Variants in ATP1A4 observed in about 807,000 individuals in gnomAD.
The protein encoded by ATP1A4 is sodium/potassium-transporting ATPase subunit alpha-4.
In ATP1A4, 90 loss-of-function variants were observed where a neutral mutation model predicts 114.3. That is an observed-to-expected ratio of 0.79 (90% CI 0.66 to 0.94). The LOEUF is 0.94. ATP1A4 is among the 40% of genes least tolerant of loss of function. The probability of loss-of-function intolerance (pLI) is 0.00; values close to 1 mark genes in which losing one functional copy is unlikely to be tolerated. For missense variants in ATP1A4, 1,222 were observed against 1,313.6 expected (o/e 0.93, Z 1.08); for synonymous variants, 511 against 494.1 (o/e 1.03, Z -0.45).
chr1:160,185,129 CGAA>C (rs1653833407), intron 20 of ATP1A4, among the ~76,000 whole-genome samples: 1 of 147,006 alleles, frequency 6.8e-6, no homozygotes, highest in Non-Finnish European at 1.5e-5. Flanking sequence ...TTTTTCCCGA[CGAA>C]GTCTTGGTCT....
Position 160,186,885 on chromosome 1 carries a change from C to T in ATP1A4, c.*186C>T. On this transcript the variant is annotated 3_prime_UTR_variant, in exon 22 of 22. Transcript: ENST00000368081. ...GGATGAGGTGGGCTGAAGGGAAGCC[C>T]AGCCTGCATCTAGCTGGAGCCCCGC... The T allele has an allele frequency of 1.5e-6, 1 of 686,218 alleles. No homozygotes were observed. The highest frequency in any genetic ancestry group is 2.5e-6 in the Non-Finnish European group (1 of 393,428). The allele number at this position is 686,218 out of a possible 1,614,324, so 42.5% of individuals were successfully genotyped here. A position where few individuals can be genotyped will look rare whatever the true frequency, so the allele number is the denominator to read the frequency against.
At chr1:160,153,561 A>G (rs767557287) in intron 2 of ATP1A4, among the ~76,000 whole-genome samples, 2 of 152,232 alleles carry the variant, frequency 1.3e-5, no homozygotes, top group African/African-American at 2.4e-5. Flanking sequence ...TATTTACCAT[A>G]TTAGAAATTA....
Position 160,177,669 on chromosome 1 carries a change from G to A in ATP1A4, c.2736+5G>A, listed in dbSNP as rs1653527913. On this transcript the variant is annotated splice_donor_5th_base_variant and intron_variant, in intron 18 of 21. Transcript: ENST00000368081. ...GACAGCTACGGACAGCAGTGGGTGAGTAGAAGGGATAAGGTAGGAGCTGAG... is the reference window on the plus strand; with the variant it reads ...GACAGCTACGGACAGCAGTGGGTGAATAGAAGGGATAAGGTAGGAGCTGAG... The A allele has an allele frequency of 6.2e-7, 1 of 1,614,204 alleles. No homozygotes were observed. The highest frequency in any genetic ancestry group is 8.5e-7 in the Non-Finnish European group (1 of 1,180,022).
intron 3 of ATP1A4, among the ~76,000 whole-genome samples, chr1:160,155,627 G>A (rs532791234): frequency 2.0e-5 from 3 of 152,124 alleles, no homozygotes; most frequent in African/African-American, 7.2e-5. Flanking sequence ...TTCTGGTCCA[G>A]TTCCCTGAGG....
intron 3 of ATP1A4, among the ~76,000 whole-genome samples, 164 bp downstream of exon 3, chr1:160,155,412 T>C (rs1029603899): frequency 6.6e-6 from 1 of 152,084 alleles, no homozygotes; most frequent in African/African-American, 2.4e-5. Flanking sequence ...TAAATGTAAT[T>C]GATTGTAATT....
chr1:160,159,635 T>C, intron 6 of ATP1A4, 109 bp downstream of exon 6: 2 of 939,008 alleles, frequency 2.1e-6, no homozygotes, highest in Non-Finnish European at 3.2e-6. Flanking sequence ...CAGTAAAAAG[T>C]CGAGCTTCTC....
At chr1:160,166,354 T>C (rs542894821) in intron 7 of ATP1A4, among the ~76,000 whole-genome samples, 174 bp from the exon 8 acceptor site, 2 of 152,332 alleles carry the variant, frequency 1.3e-5, no homozygotes, top group South Asian at 4.1e-4. Flanking sequence ...ACAATCACTT[T>C]CCTAATTTCC....
intron 12 of ATP1A4, among the ~76,000 whole-genome samples, chr1:160,171,998 AT>A (rs10718457): frequency 0.012 from 1,762 of 152,282 alleles, 35 homozygotes; most frequent in African/African-American, 0.04. Flanking sequence ...CCCCAGACCG[AT>A]TTAATTAGAA....
At chr1:160,154,152 G>A (rs1461765437) in intron 2 of ATP1A4, among the ~76,000 whole-genome samples, 2 of 152,052 alleles carry the variant, frequency 1.3e-5, no homozygotes, top group Non-Finnish European at 2.9e-5. Context: ...TCAGTAGTTG[G>A]AGACCAGCCT....
chr1:160,180,235 C>T (rs114927429), intron 18 of ATP1A4, among the ~76,000 whole-genome samples: 4,128 of 152,264 alleles, frequency 0.027, 64 homozygotes, highest in Non-Finnish European at 0.037. Context: ...CAATTTCCAG[C>T]CTTTGTGTTC....
intron 16 of ATP1A4, 52 bp downstream of exon 16, chr1:160,176,298 T>A: frequency 6.2e-7 from 1 of 1,608,540 alleles, no homozygotes; most frequent in Non-Finnish European, 8.5e-7. Context: ...CCTCCTAAGC[T>A]CCCTGCTTTC....
intron 20 of ATP1A4, among the ~76,000 whole-genome samples, chr1:160,186,059 C>A (rs1324575188): frequency 8.8e-6 from 1 of 113,774 alleles, no homozygotes; most frequent in Non-Finnish European, 1.7e-5. Context: ...TGCACTCCAG[C>A]CTGGGCAACA....
intron 6 of ATP1A4, 70 bp from the exon 7 acceptor site, chr1:160,164,086 G>A: frequency 1.9e-6 from 3 of 1,552,490 alleles, no homozygotes; most frequent in Non-Finnish European, 2.6e-6. Flanking sequence ...AGGAAGTGGG[G>A]GCAGAGACCA....
intron 18 of ATP1A4, among the ~76,000 whole-genome samples, chr1:160,179,984 G>A (rs1571034983): frequency 6.6e-6 from 1 of 152,164 alleles, no homozygotes; most frequent in East Asian, 1.9e-4. Context: ...AGAGTTTAAG[G>A]ATGGGAGCAA....
chr1:160,179,277 T>C (rs972729377), intron 18 of ATP1A4, among the ~76,000 whole-genome samples: 1 of 152,240 alleles, frequency 6.6e-6, no homozygotes, highest in African/African-American at 2.4e-5. Flanking sequence ...CCCAAAGTTC[T>C]CATTGCTGTG....
intron 10 of ATP1A4, among the ~76,000 whole-genome samples, chr1:160,168,526 G>A (rs964345668): frequency 6.6e-6 from 1 of 151,958 alleles, no homozygotes; most frequent in Non-Finnish European, 1.5e-5. Context: ...GGGATTACAG[G>A]CATGTGCCAC....
In ATP1A4 at chr1:160,167,195, TC is replaced by T. The variant is rs1381403413; in HGVS notation, c.1357-79del. 9 of 1,563,516 alleles carry T rather than the reference TC, an allele frequency of 5.8e-6. No homozygotes were observed. In the East Asian group the frequency reaches 1.8e-4, roughly 31 times the overall value. ...CCCAGGTACCCGCCCTCCCCATTTGTCCCCTCTCCATGTTGCCACAGGTATG... is the reference window on the plus strand; with the variant it reads ...CCCAGGTACCCGCCCTCCCCATTTGTCCCTCTCCATGTTGCCACAGGTATG... On this transcript the variant is annotated intron_variant, in intron 9 of 21. Coordinates refer to ENST00000368081, the MANE Select transcript of ATP1A4 (RefSeq NM_144699.4).
chr1:160,177,662 T>C lies in ATP1A4; in HGVS notation c.2734T>C (p.Trp912Arg). 2 of 1,613,962 alleles carry C rather than the reference T, an allele frequency of 1.2e-6. No homozygotes were observed. Among genetic ancestry groups the C allele is most frequent in the Non-Finnish European group, 1.7e-6 (2 of 1,179,962 alleles). The change falls in exon 18 of 22, where the codon TGG becomes CGG. Residue 912 changes from tryptophan to arginine, a missense_variant and splice_region_variant. By Grantham distance (101) the Trp-to-Arg change is moderately radical. Transcript: ENST00000368081. ...CCTGGAGGACAGCTACGGACAGCAG[T>C]GGGTGAGTAGAAGGGATAAGGTAGG... ...NDLEDSYGQQ[W>R]TYEQRKVVEF...
intron 13 of ATP1A4, 127 bp from the exon 14 acceptor site, chr1:160,173,984 G>C (rs1350565339): frequency 8.1e-7 from 1 of 1,234,946 alleles, no homozygotes; most frequent in African/African-American, 1.5e-5. Context: ...GGACAATATA[G>C]GGCTAGGGAC....
Sources: allele counts gnomAD v4.1 joint callset (sites outside exome capture counted in the v4.1 genomes callset), GRCh38; gene constraint gnomAD v4.1.1; transcripts MANE v1.5; gene names NCBI Gene and HGNC (gene_info 2026-07-23, HGNC 2026-07-21).